Variants in ST7L observed in about 807,000 individuals in gnomAD.
The protein encoded by ST7L is suppression of tumorigenicity 7 like.
In ST7L, 57 loss-of-function variants were observed where a neutral mutation model predicts 72.5. That is an observed-to-expected ratio of 0.79 (90% CI 0.64 to 0.98). ST7L has a LOEUF of 0.98. Among genes scored for constraint, ST7L ranks in the 50% least tolerant of loss-of-function variants. The pLI is 0.00. For synonymous variants in ST7L, 221 were observed against 240.9 expected (o/e 0.92, Z 0.77); for missense variants, 576 against 672.2 (o/e 0.86, Z 1.58).
chr1:112,562,354 T>C (rs1355288042), intron 11 of ST7L, among the ~76,000 whole-genome samples: 1 of 152,122 alleles, frequency 6.6e-6, no homozygotes, highest in Non-Finnish European at 1.5e-5. Context: ...TGATTGTCTA[T>C]ATAAGCTAGG....
Position 112,525,812 on chromosome 1 carries a change from T to C in ST7L, c.*201A>G. 3.3e-6 allele frequency: 2 copies of C among 598,868 alleles called. 1 individual carries two copies. Among genetic ancestry groups the C allele is most frequent in the South Asian group, 6.8e-5 (2 of 29,628 alleles). 37.1% of individuals were successfully genotyped at this position (598,868 alleles called of 1,614,324 possible). On this transcript the variant is annotated 3_prime_UTR_variant, in exon 15 of 15. Coordinates refer to ENST00000358039, the MANE Select transcript of ST7L (RefSeq NM_017744.5). ...AAGAAAAAAGGAAGACAATTTCATC[T>C]ACAGTTGTCCTTTTTGACAGCTTCC...
At chr1:112,577,656 G>A (rs1006439331) in intron 10 of ST7L, among the ~76,000 whole-genome samples, 17 of 151,962 alleles carry the variant, frequency 1.1e-4, no homozygotes, top group African/African-American at 4.1e-4. Flanking sequence ...TCCACTGAAG[G>A]TACACTTTAG....
chr1:112,566,291 C>CTTTTTTT (rs1557989059), intron 11 of ST7L, among the ~76,000 whole-genome samples: 2 of 110,234 alleles, frequency 1.8e-5, no homozygotes, highest in Non-Finnish European at 3.7e-5. Context: ...TCTTTTTCTT[C>CTTTTTTT]TTCTTCTTTT....
chr1:112,531,486 C>T (rs528962285), intron 14 of ST7L, among the ~76,000 whole-genome samples: 1 of 152,218 alleles, frequency 6.6e-6, no homozygotes, highest in Non-Finnish European at 1.5e-5. Flanking sequence ...CTTGACCTAA[C>T]CGAATAAATT....
At chr1:112,540,482 A>G (rs1482095546) in intron 14 of ST7L, 6 of 985,364 alleles carry the variant, frequency 6.1e-6, no homozygotes, top group Non-Finnish European at 7.2e-6. Context: ...TAGAATAGTC[A>G]GTTTCCAAAC....
intron 2 of ST7L, 91 bp downstream of exon 2, chr1:112,616,722 G>A (rs1198638817): frequency 1.9e-5 from 17 of 887,508 alleles, no homozygotes; most frequent in African/African-American, 3.5e-5. Flanking sequence ...CAGCCTGGGC[G>A]ACAGAGCAAG....
chr1:112,605,090 A>G (rs1249688521), intron 3 of ST7L, among the ~76,000 whole-genome samples: 4 of 140,428 alleles, frequency 2.8e-5, no homozygotes, highest in Non-Finnish European at 1.6e-5. Context: ...TCCGGCTCCA[A>G]AAAAAAAAAA....
At chr1:112,540,555 C>A in intron 14 of ST7L, 1 of 985,432 alleles carries the variant, frequency 1.0e-6, no homozygotes, top group Non-Finnish European at 1.2e-6. Context: ...GACCCAGAAT[C>A]AAGTGCAGAC....
chr1:112,576,318 C>G (rs1663102901), intron 11 of ST7L, among the ~76,000 whole-genome samples: 1 of 152,128 alleles, frequency 6.6e-6, no homozygotes, highest in South Asian at 2.1e-4. Context: ...TCCCAAACTC[C>G]TGGGCTCAAG....
intron 12 of ST7L, among the ~76,000 whole-genome samples, chr1:112,555,364 G>A (rs1658934393): frequency 1.3e-5 from 2 of 152,068 alleles, no homozygotes; most frequent in South Asian, 4.1e-4. Flanking sequence ...AGGAGATCGA[G>A]ACCATCCTGG....
At chr1:112,551,440 G>A (rs866947338) in intron 12 of ST7L, among the ~76,000 whole-genome samples, 6 of 152,088 alleles carry the variant, frequency 3.9e-5, no homozygotes, top group African/African-American at 1.2e-4. Context: ...GAGCCACCGC[G>A]CCCGGCCTAT....
chr1:112,617,822 G>A (rs568732116), intron 1 of ST7L, among the ~76,000 whole-genome samples: 3 of 151,752 alleles, frequency 2.0e-5, no homozygotes, highest in African/African-American at 4.8e-5. Context: ...TATGGTTAAC[G>A]TAGAAAAATA....
chr1:112,602,083 CAAAAAAAA>C (rs71584754), intron 3 of ST7L, among the ~76,000 whole-genome samples: 5 of 89,060 alleles, frequency 5.6e-5, no homozygotes, highest in Non-Finnish European at 1.2e-4. Flanking sequence ...AAACTCCATC[CAAAAAAAA>C]AAAAAAAAAA....
At chr1:112,554,590 G>T (rs909276936) in intron 12 of ST7L, among the ~76,000 whole-genome samples, 1 of 152,056 alleles carries the variant, frequency 6.6e-6, no homozygotes, top group South Asian at 2.1e-4. Context: ...ATTAAACATA[G>T]AATTTTATGA....
chr1:112,550,078 A>G (rs913258982), intron 13 of ST7L, among the ~76,000 whole-genome samples: 1 of 152,144 alleles, frequency 6.6e-6, no homozygotes, highest in African/African-American at 2.4e-5. Flanking sequence ...GGTACATTAC[A>G]TTTTCAGATG....
Position 112,592,333 on chromosome 1 carries a change from TTG to T in ST7L, c.623-732_623-731del. Among the ~76,000 whole-genome samples the T allele has an allele frequency of 2.6e-5, 4 of 152,358 alleles. No individual in the cohort carries two copies. The South Asian group carries it at 8.3e-4, about 32-fold the overall frequency. Reference sequence around the variant, plus strand: ...AAGAAAAATAGAGAACCTATGAGTGTTGCTTTTGGAACAAAACCTGCAACTGT... The same window carrying T: ...AAGAAAAATAGAGAACCTATGAGTGTCTTTTGGAACAAAACCTGCAACTGT... On this transcript the variant is annotated intron_variant, in intron 5 of 14. Transcript: ENST00000358039.
chr1:112,617,963 C>T (rs897573830), intron 1 of ST7L: 5 of 1,299,394 alleles, frequency 3.8e-6, no homozygotes, highest in Middle Eastern at 2.1e-4. Flanking sequence ...GAACTTGATA[C>T]CTATCCTCCA....
upstream of ST7L, chr1:112,619,407 G>GC (rs34583754): frequency 0.059 from 25,940 of 442,398 alleles, 1,672 homozygotes; most frequent in African/African-American, 0.28. Context: ...CTTTCACACC[G>GC]CCCCCCCCCC....
At chr1:112,557,343 T>C (rs1659369865) in intron 11 of ST7L, among the ~76,000 whole-genome samples, 2 of 152,192 alleles carry the variant, frequency 1.3e-5, no homozygotes. Flanking sequence ...AATGGAATCA[T>C]TTTGTGACTG....
Sources: allele counts gnomAD v4.1 joint callset (sites outside exome capture counted in the v4.1 genomes callset), GRCh38; gene constraint gnomAD v4.1.1; transcripts MANE v1.5; gene names NCBI Gene and HGNC (gene_info 2026-07-23, HGNC 2026-07-21).